Variants in CNTN4 observed in about 807,000 individuals in gnomAD.
CNTN4 encodes contactin-4.
A neutral mutation model predicts 122.5 loss-of-function variants in CNTN4; 77 were observed. That is an observed-to-expected ratio of 0.63 (90% CI 0.52 to 0.76). The LOEUF is 0.76. Among genes scored for constraint, CNTN4 ranks in the 30% least tolerant of loss-of-function variants. CNTN4 has a pLI of 0.00. For missense variants in CNTN4, 1,256 were observed against 1,259.1 expected, an observed-to-expected ratio of 1.00 and a Z score of 0.04; for synonymous variants, 512 against 447.0, an observed-to-expected ratio of 1.15 and a Z score of -1.83.
chr3:3,010,140 A>AT (rs1300712384), intron 14 of CNTN4, among the ~76,000 whole-genome samples: 1 of 151,928 alleles, frequency 6.6e-6, no homozygotes, highest in Admixed American at 6.6e-5. Flanking sequence ...CTACCTCTGT[A>AT]TTACCTGCTC....
chr3:2,145,696 A>T (rs1052289233), intron 2 of CNTN4, among the ~76,000 whole-genome samples: 2 of 152,244 alleles, frequency 1.3e-5, no homozygotes, highest in Non-Finnish European at 2.9e-5. Flanking sequence ...CATGCCAAGC[A>T]TTATACATGA....
At chr3:2,587,799 C>G (rs1212053872) in intron 4 of CNTN4, among the ~76,000 whole-genome samples, 1 of 151,562 alleles carries the variant, frequency 6.6e-6, no homozygotes, top group African/African-American at 2.4e-5. Context: ...TTAGAAATTG[C>G]TTTTGAGTTT....
In CNTN4 at chr3:2,971,421, G is replaced by A. The variant is rs74779194; in HGVS notation, c.1359-16924G>A. On this transcript the variant is annotated intron_variant, in intron 13 of 24. Transcript: ENST00000418658. The stretch of plus-strand genomic sequence containing the variant: ...ATTGCTCTTTCATCAGAAGAGTAAT[G>A]CTAGTGAATGATCTGGAATTCAGTG... 4.4e-3 allele frequency among the ~76,000 whole-genome samples: 664 copies of A among 152,118 alleles called. 13 individuals are homozygous for A. The East Asian group carries it at 0.065, about 15-fold the overall frequency.
At chr3:2,747,413 A>T (rs2089848181) in intron 6 of CNTN4, among the ~76,000 whole-genome samples, 1 of 29,976 alleles carries the variant, frequency 3.3e-5, no homozygotes, top group Admixed American at 5.2e-4. Flanking sequence ...CGTCTAAAAA[A>T]AAAAATAAAA....
At chr3:2,575,098 C>T (rs899537) in intron 4 of CNTN4, among the ~76,000 whole-genome samples, 151,262 of 152,240 alleles carry the variant, frequency 0.99, 75,159 homozygotes, top group Middle Eastern at 1. Flanking sequence ...GATAAACAAA[C>T]ATTTAAGGTT....
intron 3 of CNTN4, among the ~76,000 whole-genome samples, chr3:2,565,803 G>A (rs558400931): frequency 7.3e-4 from 111 of 152,096 alleles, no homozygotes; most frequent in Non-Finnish European, 1.3e-3. Context: ...CCGCTTCCTC[G>A]CCATTGTGAT....
rs186358103 is a variant in CNTN4, at chr3:2,840,521, A to G, written c.454+20940A>G. ...CGAGACCATCCTGGCTAACACGGTGAAACCCCGTCTCTACTAAAAATACAA... is the reference window on the plus strand; with the variant it reads ...CGAGACCATCCTGGCTAACACGGTGGAACCCCGTCTCTACTAAAAATACAA... On this transcript the variant is annotated intron_variant, in intron 7 of 24. Transcript: ENST00000418658. 2.4e-4 allele frequency among the ~76,000 whole-genome samples: 26 copies of G among 109,188 alleles called. 1 individual carries two copies. In the East Asian group the frequency reaches 8.5e-3, roughly 36 times the overall value. The allele number at this position is 109,188 out of a possible 152,430, so 71.6% of individuals were successfully genotyped here. A position where few individuals can be genotyped will look rare whatever the true frequency, so the allele number is the denominator to read the frequency against.
intron 2 of CNTN4, among the ~76,000 whole-genome samples, chr3:2,337,426 A>G (rs961223221): frequency 1.2e-4 from 18 of 152,234 alleles, no homozygotes; most frequent in African/African-American, 3.6e-4. Context: ...TACTGCTACT[A>G]GTGGATACTA....
At chr3:2,500,911 C>G (rs2076576475) in intron 3 of CNTN4, among the ~76,000 whole-genome samples, 1 of 152,114 alleles carries the variant, frequency 6.6e-6, no homozygotes, top group Non-Finnish European at 1.5e-5. Context: ...TTCCTCATGT[C>G]CCACTTTTTC....
At chr3:2,386,203 C>G (rs1036931694) in intron 3 of CNTN4, among the ~76,000 whole-genome samples, 11 of 151,410 alleles carry the variant, frequency 7.3e-5, no homozygotes, top group African/African-American at 2.7e-4. Context: ...CTCAAACATT[C>G]TCTGAATTCA....
intron 14 of CNTN4, among the ~76,000 whole-genome samples, chr3:2,995,218 A>C (rs914814502): frequency 1.3e-5 from 2 of 151,974 alleles, no homozygotes; most frequent in Admixed American, 6.6e-5. Flanking sequence ...AGGGTAGGTA[A>C]TTGTGCATCT....
At chr3:2,972,164 C>T (rs1379001750) in intron 13 of CNTN4, among the ~76,000 whole-genome samples, 2 of 152,092 alleles carry the variant, frequency 1.3e-5, no homozygotes, top group East Asian at 1.9e-4. Flanking sequence ...CACTACAAAG[C>T]GAGTATCCCT....
intron 6 of CNTN4, among the ~76,000 whole-genome samples, chr3:2,771,318 C>T (rs1245034901): frequency 6.6e-6 from 1 of 152,196 alleles, no homozygotes; most frequent in African/African-American, 2.4e-5. Flanking sequence ...AAGGTACTCT[C>T]TCTATGTGAA....
At chr3:2,269,295 G>T (rs1431917210) in intron 2 of CNTN4, among the ~76,000 whole-genome samples, 1 of 152,082 alleles carries the variant, frequency 6.6e-6, no homozygotes, top group Non-Finnish European at 1.5e-5. Context: ...TATGTGGGTG[G>T]CATGCTTACT....
chr3:2,908,440 TGAAA>T (rs1485649812), intron 12 of CNTN4, among the ~76,000 whole-genome samples: 4 of 152,150 alleles, frequency 2.6e-5, no homozygotes, highest in African/African-American at 4.8e-5. Context: ...TGCAATTCAC[TGAAA>T]GAGTGTTCTC....
At chr3:2,713,876 G>A (rs1225145035) in intron 4 of CNTN4, among the ~76,000 whole-genome samples, 1 of 152,154 alleles carries the variant, frequency 6.6e-6, no homozygotes, top group Non-Finnish European at 1.5e-5. Context: ...CTTGGGAAAG[G>A]AACTTAAGTG....
intron 15 of CNTN4, among the ~76,000 whole-genome samples, chr3:3,028,606 C>T (rs1386760246): frequency 1.3e-5 from 2 of 152,114 alleles, no homozygotes; most frequent in African/African-American, 2.4e-5. Context: ...ATAGGCATTT[C>T]CCTAAGGCCA....
chr3:2,682,494 T>C (rs1247873777), intron 4 of CNTN4, among the ~76,000 whole-genome samples: 1 of 152,194 alleles, frequency 6.6e-6, no homozygotes, highest in Non-Finnish European at 1.5e-5. Context: ...GGATTCTTTC[T>C]AAGGTAATCC....
intron 4 of CNTN4, among the ~76,000 whole-genome samples, chr3:2,687,695 A>G (rs931532527): frequency 1.3e-5 from 2 of 152,186 alleles, no homozygotes; most frequent in Non-Finnish European, 2.9e-5. Flanking sequence ...CTTTGATTTC[A>G]TTCTCTCCTG....
Sources: gnomAD v4.1 joint callset for allele counts (sites outside exome capture counted in the v4.1 genomes callset) on GRCh38, gnomAD v4.1.1 for gene constraint, MANE v1.5 for transcripts, NCBI Gene and HGNC (gene_info 2026-07-23, HGNC 2026-07-21) for gene names.